Variants in FOXN3 observed in about 807,000 individuals in gnomAD.
The protein encoded by FOXN3 is forkhead box N3, also known as forkhead box protein N3.
A neutral mutation model predicts 38.4 loss-of-function variants in FOXN3; 7 were observed. That is an observed-to-expected ratio of 0.18 (90% confidence interval 0.10 to 0.34). The LOEUF (loss-of-function observed/expected upper bound fraction) is 0.34. Ranked by LOEUF, FOXN3 falls within the 10% of genes least tolerant of loss-of-function variation. FOXN3 has a pLI of 1.00. For missense variants in FOXN3, 456 were observed against 613.4 expected, an observed-to-expected ratio of 0.74 and a Z score of 2.71; for synonymous variants, 230 against 242.2, an observed-to-expected ratio of 0.95 and a Z score of 0.47.
chr14:89,497,609 T>C (rs1893713223), intron 1 of FOXN3, among the ~76,000 whole-genome samples: 1 of 151,312 alleles, frequency 6.6e-6, no homozygotes, highest in African/African-American at 2.4e-5. Flanking sequence ...TTTCTCCATG[T>C]TGAGGCTGGT....
At chr14:89,537,348 G>A (rs1223598136) in intron 1 of FOXN3, among the ~76,000 whole-genome samples, 1 of 152,030 alleles carries the variant, frequency 6.6e-6, no homozygotes, top group African/African-American at 2.4e-5. Flanking sequence ...TGCATGGATG[G>A]ACTGTCCAAC....
At chr14:89,335,128 G>T (rs556091918) in intron 3 of FOXN3, among the ~76,000 whole-genome samples, 3 of 143,722 alleles carry the variant, frequency 2.1e-5, no homozygotes, top group Non-Finnish European at 4.6e-5. Context: ...CACACAAATG[G>T]TAACTATATG....
intron 1 of FOXN3, among the ~76,000 whole-genome samples, chr14:89,429,990 TA>T (rs1048806769): frequency 2.6e-5 from 4 of 152,232 alleles, no homozygotes; most frequent in African/African-American, 4.8e-5. Context: ...TACTTTTTTT[TA>T]CTGCCTTTAA....
intron 4 of FOXN3, among the ~76,000 whole-genome samples, chr14:89,211,936 T>TA (rs1884105823): frequency 6.6e-6 from 1 of 152,146 alleles, no homozygotes; most frequent in East Asian, 1.9e-4. Context: ...TGGGAGGTGA[T>TA]AGAGTTAGAG....
intron 1 of FOXN3, among the ~76,000 whole-genome samples, chr14:89,508,654 G>C (rs1176740081): frequency 6.6e-6 from 1 of 152,166 alleles, no homozygotes; most frequent in Non-Finnish European, 1.5e-5. Flanking sequence ...AGCCCCCAGG[G>C]CTTCTGATGC....
intron 3 of FOXN3, among the ~76,000 whole-genome samples, chr14:89,283,082 TC>T (rs967860651): frequency 3.3e-4 from 51 of 152,284 alleles, no homozygotes; most frequent in African/African-American, 1.2e-3. Context: ...GTGGTCTCTT[TC>T]CAGCTCAGGG....
intron 2 of FOXN3, among the ~76,000 whole-genome samples, chr14:89,356,864 CTG>C (rs1237377736): frequency 6.6e-6 from 1 of 152,290 alleles, no homozygotes; most frequent in East Asian, 1.9e-4. Flanking sequence ...TTATGACAGA[CTG>C]TAATACCTGC....
chr14:89,206,312 C>T (rs968830653), intron 4 of FOXN3, among the ~76,000 whole-genome samples: 17 of 152,162 alleles, frequency 1.1e-4, no homozygotes, highest in African/African-American at 2.7e-4. Flanking sequence ...GAGGTGAGCT[C>T]GGGCCAAACG....
intron 4 of FOXN3, among the ~76,000 whole-genome samples, chr14:89,275,691 C>T (rs1351660657): frequency 1.3e-5 from 2 of 152,210 alleles, no homozygotes; most frequent in Admixed American, 1.3e-4. Context: ...AACGCTGTTA[C>T]TCCCAAGTAA....
At chr14:89,451,218 T>C (rs1703550945) in intron 1 of FOXN3, among the ~76,000 whole-genome samples, 1 of 152,300 alleles carries the variant, frequency 6.6e-6, no homozygotes, top group South Asian at 2.1e-4. Context: ...TTGCTACTGA[T>C]GTAAGGACAC....
chr14:89,350,863 C>T, intron 2 of FOXN3, 55 bp from the exon 3 acceptor site: 6 of 1,313,518 alleles, frequency 4.6e-6, no homozygotes, highest in Non-Finnish European at 5.1e-6. Flanking sequence ...AAGTACTTTG[C>T]AATAAGTAGA....
chr14:89,228,152 T>G (rs969563756), intron 4 of FOXN3, among the ~76,000 whole-genome samples: 1 of 152,168 alleles, frequency 6.6e-6, no homozygotes, highest in Non-Finnish European at 1.5e-5. Flanking sequence ...AGTGTATTGT[T>G]TAAAGCCACT....
intron 3 of FOXN3, among the ~76,000 whole-genome samples, chr14:89,325,521 C>T (rs1266727613): frequency 1.3e-5 from 2 of 152,152 alleles, no homozygotes; most frequent in Non-Finnish European, 2.9e-5. Context: ...TGAAACAGTT[C>T]TAAATGGAGG....
intron 4 of FOXN3, among the ~76,000 whole-genome samples, chr14:89,215,669 C>T (rs1301254875): frequency 6.6e-6 from 1 of 152,150 alleles, no homozygotes; most frequent in African/African-American, 2.4e-5. Flanking sequence ...TTTCATATGG[C>T]ATGTCTCCAG....
intron 1 of FOXN3, among the ~76,000 whole-genome samples, chr14:89,451,924 C>A (rs1053281728): frequency 6.6e-6 from 1 of 152,100 alleles, no homozygotes; most frequent in Admixed American, 6.6e-5. Context: ...TACCTCCTAC[C>A]CTGTCTCAAC....
chr14:89,598,702 C>G (rs978196910), intron 1 of FOXN3, among the ~76,000 whole-genome samples: 3 of 152,230 alleles, frequency 2.0e-5, no homozygotes. Flanking sequence ...CCACTTCCTT[C>G]TGACATCTAT....
At chr14:89,339,464 G>A (rs934064947) in intron 3 of FOXN3, among the ~76,000 whole-genome samples, 4 of 152,184 alleles carry the variant, frequency 2.6e-5, no homozygotes, top group African/African-American at 9.6e-5. Context: ...GGAGCTGGGA[G>A]GAAGCATGGA....
At chr14:89,423,590 C>T (rs931328549) in intron 1 of FOXN3, among the ~76,000 whole-genome samples, 5 of 152,044 alleles carry the variant, frequency 3.3e-5, no homozygotes, top group African/African-American at 1.2e-4. Context: ...AAAATTATCA[C>T]TCTAATAAGA....
chr14:89,448,791 A>G (rs1892560624), intron 1 of FOXN3, among the ~76,000 whole-genome samples: 1 of 151,584 alleles, frequency 6.6e-6, no homozygotes, highest in South Asian at 2.1e-4. Context: ...AAATACAAAA[A>G]CTAGCCAGAT....
Sources: allele counts gnomAD v4.1 joint callset (sites outside exome capture counted in the v4.1 genomes callset), GRCh38; gene constraint gnomAD v4.1.1; transcripts MANE v1.5; gene names NCBI Gene and HGNC (gene_info 2026-07-23, HGNC 2026-07-21).